The following SNX16 variants were observed in gnomAD, a reference collection of about 807,000 sequenced individuals.
SNX16 encodes sorting nexin-16.
SNX16 carries 35 observed loss-of-function variants against 36.7 expected under a neutral mutation model. The observed-to-expected ratio is 0.95, with a 90% CI of 0.73 to 1.27. The LOEUF is 1.27. SNX16 is among the 50% of genes most tolerant of loss of function. SNX16 has a pLI of 0.00. For synonymous variants in SNX16, 134 were observed against 132.0 expected, an observed-to-expected ratio of 1.02 and a Z score of -0.10; for missense variants, 367 against 393.6, an observed-to-expected ratio of 0.93 and a Z score of 0.57.
intron 2 of SNX16, 133 bp downstream of exon 2, chr8:81,839,478 TG>T: frequency 2.2e-6 from 2 of 925,448 alleles, no homozygotes; most frequent in Non-Finnish European, 3.2e-6. Flanking sequence ...TAGAATTCAG[TG>T]GTGTAAAAAC....
At chr8:81,809,439 TA>T (rs34562465) in intron 5 of SNX16, among the ~76,000 whole-genome samples, 51 of 146,700 alleles carry the variant, frequency 3.5e-4, no homozygotes, top group Middle Eastern at 3.5e-3. Flanking sequence ...TTAATTCTCT[TA>T]AAAAAAAAAA....
chr8:81,805,462 A>G (rs987538183), intron 5 of SNX16, among the ~76,000 whole-genome samples: 1 of 152,206 alleles, frequency 6.6e-6, no homozygotes, highest in Admixed American at 6.5e-5. Flanking sequence ...AAGAGACAGG[A>G]AAAGAATTTA....
At chr8:81,834,558 G>C (rs1811411164) in intron 2 of SNX16, among the ~76,000 whole-genome samples, 1 of 152,336 alleles carries the variant, frequency 6.6e-6, no homozygotes, top group Admixed American at 6.5e-5. Flanking sequence ...TTACTTACTA[G>C]ATACAATGAG....
At chr8:81,821,998 G>T (rs959659019) in intron 4 of SNX16, among the ~76,000 whole-genome samples, 3 of 152,138 alleles carry the variant, frequency 2.0e-5, no homozygotes, top group African/African-American at 7.2e-5. Flanking sequence ...TTAAGTGATT[G>T]TCTCAATTCT....
chr8:81,841,125 G>A (rs1424117301), intron 1 of SNX16, among the ~76,000 whole-genome samples: 1 of 152,206 alleles, frequency 6.6e-6, no homozygotes, highest in African/African-American at 2.4e-5. Flanking sequence ...TGGATCGCCT[G>A]AGGTCAGGAG....
intron 4 of SNX16, among the ~76,000 whole-genome samples, chr8:81,822,247 G>GTACGAGGT (rs1409235280): frequency 1.3e-5 from 2 of 152,026 alleles, no homozygotes; most frequent in African/African-American, 4.8e-5. Context: ...GATGGGTAAG[G>GTACGAGGT]TACGAGGTCA....
intron 4 of SNX16, among the ~76,000 whole-genome samples, chr8:81,816,667 A>G (rs1186405619): frequency 6.6e-6 from 1 of 152,150 alleles, no homozygotes; most frequent in African/African-American, 2.4e-5. Context: ...ATTCTATTGT[A>G]TTTAATTTTC....
intron 2 of SNX16, among the ~76,000 whole-genome samples, chr8:81,837,615 C>CTTT (rs1811549289): frequency 6.6e-6 from 1 of 152,128 alleles, no homozygotes; most frequent in African/African-American, 2.4e-5. Context: ...TCTGGGGCCT[C>CTTT]TTTTTAAGGG....
At chr8:81,823,752 G>A in intron 4 of SNX16, 40 bp downstream of exon 4, 1 of 1,514,806 alleles carries the variant, frequency 6.6e-7, no homozygotes, top group South Asian at 1.3e-5. Context: ...GCCAGTTATT[G>A]GAATGCTTTT....
intron 3 of SNX16, among the ~76,000 whole-genome samples, chr8:81,825,467 T>C (rs996962642): frequency 6.6e-6 from 1 of 152,160 alleles, no homozygotes; most frequent in Non-Finnish European, 1.5e-5. Flanking sequence ...ATTTAATTAG[T>C]TGAAATGAGG....
intron 5 of SNX16, chr8:81,808,284 T>A: frequency 1.8e-6 from 2 of 1,141,446 alleles, no homozygotes; most frequent in Non-Finnish European, 2.6e-6. Context: ...ATACCATGAA[T>A]GGCCACAACT....
At chr8:81,807,075 T>G (rs538606010) in intron 5 of SNX16, among the ~76,000 whole-genome samples, 30 of 152,318 alleles carry the variant, frequency 2.0e-4, no homozygotes, top group Non-Finnish European at 3.5e-4. Context: ...GATTTTTTCA[T>G]GGAACTCACA....
intron 3 of SNX16, among the ~76,000 whole-genome samples, chr8:81,828,279 C>T (rs766313614): frequency 5.9e-5 from 9 of 152,060 alleles, no homozygotes; most frequent in Non-Finnish European, 1.2e-4. Context: ...TTTTGGGTAT[C>T]CCCTAGGAAG....
At chr8:81,809,210 T>A (rs1036723907) in intron 5 of SNX16, among the ~76,000 whole-genome samples, 1 of 152,194 alleles carries the variant, frequency 6.6e-6, no homozygotes, top group Non-Finnish European at 1.5e-5. Context: ...GTCATTGTCT[T>A]CAGAAACCTT....
intron 3 of SNX16, among the ~76,000 whole-genome samples, chr8:81,827,668 C>A (rs1811077164): frequency 6.6e-6 from 1 of 152,130 alleles, no homozygotes; most frequent in African/African-American, 2.4e-5. Context: ...CCATATTTTA[C>A]CTTTTCATTT....
At chr8:81,833,053 GA>G (rs1439976082) in intron 2 of SNX16, among the ~76,000 whole-genome samples, 2 of 151,394 alleles carry the variant, frequency 1.3e-5, no homozygotes, top group Non-Finnish European at 2.9e-5. Context: ...GATTTAATGT[GA>G]AAAAAGATGT....
At position 81,836,898 on chromosome 8, in the gene SNX16, A is replaced by G. The variant is rs77193754; in HGVS notation, c.375+2714T>C. 6.6e-3 allele frequency among the ~76,000 whole-genome samples: 1,002 copies of G among 152,166 alleles called. 11 individuals are homozygous for G. The highest frequency in any genetic ancestry group is 0.011 in the Non-Finnish European group (754 of 68,000). ...AAGTCTTCACAGTGCCTCCTTCCCT[A>G]TGTGATCTGTGTGCCACACTTCCCT... On this transcript the variant is annotated intron_variant, in intron 2 of 7. Transcript: ENST00000345957.
chr8:81,825,062 AAAGC>A (rs1443901357), intron 3 of SNX16, among the ~76,000 whole-genome samples: 2 of 152,170 alleles, frequency 1.3e-5, no homozygotes, highest in Non-Finnish European at 2.9e-5. Flanking sequence ...GCATTCCAAG[AAAGC>A]AAGCCAGAAT....
In SNX16 at chr8:81,833,560, G is replaced by A. The variant is rs181851527; in HGVS notation, c.376-4044C>T. Among the ~76,000 whole-genome samples the A allele has an allele frequency of 4.1e-3, 619 of 152,196 alleles. 2 individuals carry two copies. Among genetic ancestry groups the A allele is most frequent in the Non-Finnish European group, 6.7e-3 (455 of 67,990 alleles). ...CACTCATTAAAAGAAGAGAGAAGTC[G>A]ACTTTAAAACTTTTGAGTATGAATG... On this transcript the variant is annotated intron_variant, in intron 2 of 7. Transcript: ENST00000345957.
Sources: allele counts gnomAD v4.1 joint callset (sites outside exome capture counted in the v4.1 genomes callset), GRCh38; gene constraint gnomAD v4.1.1; transcripts MANE v1.5; gene names NCBI Gene and HGNC (gene_info 2026-07-23, HGNC 2026-07-21).